Variants in ANK2 observed in about 807,000 individuals in gnomAD.
ANK2 encodes the protein ankyrin-2.
Under a neutral mutation model 360.5 loss-of-function variants are expected in ANK2, and 83 were observed. The ratio of observed to expected loss-of-function variants is 0.23; its 90% CI spans 0.19 to 0.28. The LOEUF is 0.28. Ranked by LOEUF, ANK2 falls within the 10% of genes least tolerant of loss-of-function variation. The pLI is 1.00. For synonymous variants in ANK2, 1,740 were observed against 1,759.5 expected, an observed-to-expected ratio of 0.99 and a Z score of 0.28; for missense variants, 4,201 against 4,795.7, an observed-to-expected ratio of 0.88 and a Z score of 3.66.
Position 113,208,570 on chromosome 4 carries a change from T to C in ANK2, c.384+9461T>C, listed in dbSNP as rs183636909. Among the ~76,000 whole-genome samples the C allele has an allele frequency of 4.9e-4, 74 of 152,126 alleles. 1 individual carries two copies. The highest frequency in any genetic ancestry group is 6.8e-3 in the Middle Eastern group (2 of 294). ...CAAGCTGGAGTGCAGTGGCATGATA[T>C]AGCTCACTGCAGTCTCAAACTCCCA... On this transcript the variant is annotated intron_variant, in intron 4 of 45. Coordinates refer to ENST00000357077, the MANE Select transcript of ANK2 (RefSeq NM_001148.6).
At chr4:113,308,879 T>C (rs1289114456) in intron 23 of ANK2, among the ~76,000 whole-genome samples, 1 of 151,366 alleles carries the variant, frequency 6.6e-6, no homozygotes, top group Non-Finnish European at 1.5e-5. Context: ...ATCTAGGAAG[T>C]TGGGAGGGGA....
At chr4:112,976,806 C>A (rs2041588156) in intron 2 of ANK2, among the ~76,000 whole-genome samples, 1 of 152,048 alleles carries the variant, frequency 6.6e-6, no homozygotes, top group South Asian at 2.1e-4. Flanking sequence ...TCTACCTTTA[C>A]AATTAAGTCT....
intron 1 of ANK2, among the ~76,000 whole-genome samples, chr4:113,172,272 C>G (rs1042861846): frequency 1.3e-5 from 2 of 152,058 alleles, no homozygotes; most frequent in Non-Finnish European, 2.9e-5. Context: ...AATATGTAGA[C>G]CAAAGGCATA....
chr4:112,862,900 A>T (rs1187562134), intron 1 of ANK2, among the ~76,000 whole-genome samples: 1 of 152,150 alleles, frequency 6.6e-6, no homozygotes, highest in Non-Finnish European at 1.5e-5. Context: ...AAAAAATGAA[A>T]TGAAAGCCAT....
chr4:113,096,176 C>A (rs913116319), intron 1 of ANK2, among the ~76,000 whole-genome samples: 1 of 152,280 alleles, frequency 6.6e-6, no homozygotes, highest in African/African-American at 2.4e-5. Context: ...GACACCTTGT[C>A]ACTGCATGGG....
Position 113,354,763 on chromosome 4 carries a change from A to G in ANK2, c.6145A>G (p.Thr2049Ala). The change falls in exon 38 of 46, where the codon ACA (threonine) becomes GCA (alanine). Residue 2049 changes from threonine to alanine, a missense_variant. Around this residue, in one of 4 missense-constraint regions of ANK2, gnomAD observed 2,642 missense variants for 2,714.5 expected, o/e 0.97. Coordinates refer to ENST00000357077, the MANE Select transcript of ANK2 (RefSeq NM_001148.6). Reference sequence around the variant, plus strand: ...AGAAGCTCAGAAAACAGAGAATCAGACAATCAAACGAGGCCAGAGACTCCC... The same window carrying G: ...AGAAGCTCAGAAAACAGAGAATCAGGCAATCAAACGAGGCCAGAGACTCCC... ...QREAQKTENQ[T>A]IKRGQRLPVT... The G allele has an allele frequency of 1.2e-6, 2 of 1,613,924 alleles. No individual in the cohort carries two copies. The highest frequency in any genetic ancestry group is 1.1e-5 in the South Asian group (1 of 91,062).
At chr4:113,281,763 G>A (rs761866343) in intron 17 of ANK2, among the ~76,000 whole-genome samples, 12 of 152,054 alleles carry the variant, frequency 7.9e-5, no homozygotes, top group Non-Finnish European at 1.2e-4. Flanking sequence ...AACTAAACAT[G>A]GGGTATAGAG....
chr4:113,260,561 G>T lies in ANK2; in HGVS notation c.1386+2150G>T, dbSNP rs564474720. Among the ~76,000 whole-genome samples the T allele has an allele frequency of 1.5e-4, 23 of 152,210 alleles. 2 individuals are homozygous for T. In the South Asian group the frequency reaches 4.1e-3, roughly 27 times the overall value. ...CAGGAAGCAGATACCTATTGATAGG[G>T]TTGCCAGGTAAAATATAGGACTCTC... On this transcript the variant is annotated intron_variant, in intron 13 of 45. Coordinates refer to ENST00000357077, the MANE Select transcript of ANK2 (RefSeq NM_001148.6).
the ANK2 span, among the ~76,000 whole-genome samples, chr4:112,761,576 C>T: frequency 1.8e-4 from 28 of 152,066 alleles, 1 homozygote; most frequent in Non-Finnish European, 2.9e-4. Flanking sequence ...GCCCAGATCA[C>T]GCCACTGCAC....
rs544629584 is a variant in ANK2, at chr4:113,101,847, AG to A, written c.84+52037del. On this transcript the variant is annotated intron_variant, in intron 1 of 45. Transcript: ENST00000357077. ...AAGTTATACTGAAGTTGAGATTTGA[AG>A]GATGAGTCAGATGCAAGAATGAGGA... Among the ~76,000 whole-genome samples the A allele has an allele frequency of 1.5e-4, 23 of 152,226 alleles. No individual in the cohort carries two copies. In the South Asian group the frequency reaches 4.8e-3, roughly 32 times the overall value.
At position 113,174,682 on chromosome 4, in the gene ANK2, G is replaced by A. The variant is rs28725346; in HGVS notation, c.186+165G>A. On this transcript the variant is annotated intron_variant, in intron 2 of 45. Coordinates refer to ENST00000357077, the MANE Select transcript of ANK2 (RefSeq NM_001148.6). ...CTTACCAACTTTTCAAGTATCAGAT[G>A]TTTGTATCTAGAGCTAATGTTGCTG... Among the ~76,000 whole-genome samples, 290 of 152,310 alleles carry A rather than the reference G, an allele frequency of 1.9e-3. 1 individual carries two copies. The highest frequency in any genetic ancestry group is 6.7e-3 in the African/African-American group (280 of 41,568).
intron 4 of ANK2, among the ~76,000 whole-genome samples, chr4:113,213,662 T>C (rs2099050345): frequency 6.6e-6 from 1 of 152,222 alleles, no homozygotes; most frequent in African/African-American, 2.4e-5. Flanking sequence ...AGCCCGATAT[T>C]CCTAGTTGGC....
chr4:112,771,707 TC>T, the ANK2 span, among the ~76,000 whole-genome samples: 4 of 152,042 alleles, frequency 2.6e-5, no homozygotes, highest in Non-Finnish European at 5.9e-5. Context: ...TGCCTCAGCC[TC>T]CTGAGTAGCT....
At chr4:113,159,777 T>TA (rs200067956) in intron 1 of ANK2, among the ~76,000 whole-genome samples, 47,295 of 150,898 alleles carry the variant, frequency 0.31, 7,923 homozygotes, top group Middle Eastern at 0.49. Flanking sequence ...CCGGCTAATT[T>TA]TTATATATAT....
chr4:112,777,457 C>T, the ANK2 span, among the ~76,000 whole-genome samples: 4 of 151,724 alleles, frequency 2.6e-5, no homozygotes, highest in African/African-American at 9.7e-5. Flanking sequence ...TGGCCAGGAT[C>T]GTCTTGATCT....
At chr4:112,804,170 C>T in the ANK2 span, among the ~76,000 whole-genome samples, 2 of 152,148 alleles carry the variant, frequency 1.3e-5, no homozygotes, top group Non-Finnish European at 2.9e-5. Flanking sequence ...AGGCGCCTGC[C>T]ACCATGCCTG....
rs762891047 is a variant in ANK2, at chr4:113,288,494, A to G, written c.2277+8A>G. ...GTTAACGCAAAAACCAAGGTAAAGTACTTGTGGTCATTTTCAATTCCTATA... is the reference window on the plus strand; with the variant it reads ...GTTAACGCAAAAACCAAGGTAAAGTGCTTGTGGTCATTTTCAATTCCTATA... On this transcript the variant is annotated splice_region_variant and intron_variant, in intron 20 of 45. Transcript: ENST00000357077. 6 of 1,609,538 alleles carry G rather than the reference A, an allele frequency of 3.7e-6. No individual in the cohort carries two copies. In the South Asian group the frequency reaches 6.6e-5, roughly 18 times the overall value.
intron 13 of ANK2, among the ~76,000 whole-genome samples, chr4:113,263,666 A>G (rs895179073): frequency 6.6e-6 from 1 of 152,362 alleles, no homozygotes; most frequent in East Asian, 1.9e-4. Context: ...CAGTTTGTCA[A>G]TTACCACAAC....
chr4:113,236,838 G>C, intron 5 of ANK2, 149 bp from the exon 6 acceptor site: 1 of 807,304 alleles, frequency 1.2e-6, no homozygotes, highest in Non-Finnish European at 2.1e-6. Context: ...ATGGATAACT[G>C]GTTATAATCT....
Sources: gnomAD v4.1 joint callset for allele counts (sites outside exome capture counted in the v4.1 genomes callset) on GRCh38, gnomAD v4.1.1 for gene constraint, gnomAD v4.1.1 regional missense constraint, MANE v1.5 for transcripts, NCBI Gene and HGNC (gene_info 2026-07-23, HGNC 2026-07-21) for gene names.